The following RAB3GAP1 variants were observed in gnomAD, a reference collection of about 807,000 sequenced individuals.
RAB3GAP1 encodes the protein RAB3 GTPase activating protein catalytic subunit 1, also known as rab3 GTPase-activating protein catalytic subunit.
In RAB3GAP1, 86 loss-of-function variants were observed where a neutral mutation model predicts 130.7. The observed-to-expected ratio is 0.66, with a 90% CI of 0.55 to 0.79. RAB3GAP1 has a LOEUF of 0.79. RAB3GAP1 is among the 30% of genes least tolerant of loss of function. The pLI is 0.00. For synonymous variants in RAB3GAP1, 367 were observed against 401.7 expected (o/e 0.91, Z 1.03); for missense variants, 1,029 against 1,169.4 (o/e 0.88, Z 1.75).
At chr2:135,099,315 ATGATT>A (rs1300622565) in intron 5 of RAB3GAP1, among the ~76,000 whole-genome samples, 1 of 151,988 alleles carries the variant, frequency 6.6e-6, no homozygotes, top group East Asian at 1.9e-4. Flanking sequence ...TTAAATTGAT[ATGATT>A]TATTTTCTTT....
Position 135,052,333 on chromosome 2 carries a change from C to G in RAB3GAP1, c.18+8C>G. On this transcript the variant is annotated splice_region_variant and intron_variant, in intron 1 of 23. Transcript: ENST00000264158. ...ATGGCTGCCGACAGTGAGGTGATTTCTTTGCTCCCTACTTAATCCTTGTCA... is the reference window on the plus strand; with the variant it reads ...ATGGCTGCCGACAGTGAGGTGATTTGTTTGCTCCCTACTTAATCCTTGTCA... 3 of 1,614,066 alleles carry G rather than the reference C, an allele frequency of 1.9e-6. No individual in the cohort carries two copies. The highest frequency in any genetic ancestry group is 2.5e-6 in the Non-Finnish European group (3 of 1,180,012).
intron 8 of RAB3GAP1, 30 bp from the exon 9 acceptor site, chr2:135,124,135 A>G (rs899143898): frequency 6.3e-7 from 1 of 1,593,126 alleles, no homozygotes; most frequent in Non-Finnish European, 8.6e-7. Flanking sequence ...ATTTTTTCCC[A>G]AATGATGGAA....
At chr2:135,106,195 C>G (rs914573534) in intron 5 of RAB3GAP1, among the ~76,000 whole-genome samples, 1 of 152,014 alleles carries the variant, frequency 6.6e-6, no homozygotes, top group Non-Finnish European at 1.5e-5. Context: ...TGCCTCTGCC[C>G]GGCGGCCCCT....
intron 2 of RAB3GAP1, among the ~76,000 whole-genome samples, chr2:135,055,170 A>G (rs1037248627): frequency 6.6e-6 from 1 of 152,206 alleles, no homozygotes; most frequent in African/African-American, 2.4e-5. Context: ...GAGTTTATGT[A>G]AGAGCTAGAA....
chr2:135,085,192 T>A (rs562290184), intron 3 of RAB3GAP1, among the ~76,000 whole-genome samples: 1 of 152,338 alleles, frequency 6.6e-6, no homozygotes, highest in South Asian at 2.1e-4. Flanking sequence ...GGTGCTCGTG[T>A]TGAAACATTT....
At chr2:135,111,810 G>A (rs7603355) in intron 5 of RAB3GAP1, among the ~76,000 whole-genome samples, 16,421 of 151,920 alleles carry the variant, frequency 0.11, 2,200 homozygotes, top group African/African-American at 0.32. Context: ...CTTAAAATGT[G>A]CACATTATAG....
rs1390768843 is a variant in RAB3GAP1 at position 135,107,982 on chromosome 2, A to G, written c.363-5169A>G. On this transcript the variant is annotated intron_variant, in intron 5 of 23. Coordinates refer to ENST00000264158, the MANE Select transcript of RAB3GAP1 (RefSeq NM_012233.3). ...AAGAGTGAAACTCCATCTCAAAAAA[A>G]AAAAAAAAAAAAAAAAAAAACTACA... 2.0e-5 allele frequency among the ~76,000 whole-genome samples: 3 copies of G among 148,188 alleles called. No individual in the cohort carries two copies. The East Asian group carries it at 5.9e-4, about 29-fold the overall frequency.
At chr2:135,128,232 G>GCAA (rs923336396) in intron 11 of RAB3GAP1, among the ~76,000 whole-genome samples, 3 of 152,162 alleles carry the variant, frequency 2.0e-5, no homozygotes, top group African/African-American at 7.2e-5. Context: ...GGGTGTTAGG[G>GCAA]CAACAGTATA....
intron 3 of RAB3GAP1, among the ~76,000 whole-genome samples, chr2:135,068,432 A>ATATACCTTT (rs1689381849): frequency 1.3e-5 from 2 of 151,954 alleles, no homozygotes; most frequent in Admixed American, 1.3e-4. Context: ...CCACTAAAGG[A>ATATACCTTT]AGTAGACTAT....
chr2:135,102,268 C>T (rs956883475), intron 5 of RAB3GAP1, among the ~76,000 whole-genome samples: 8 of 152,094 alleles, frequency 5.3e-5, no homozygotes, highest in African/African-American at 1.9e-4. Context: ...AAGAAGAGGG[C>T]CATGAGCCAA....
intron 17 of RAB3GAP1, among the ~76,000 whole-genome samples, chr2:135,148,668 C>CTTTTT (rs60407802): frequency 8.8e-6 from 1 of 113,114 alleles, no homozygotes; most frequent in African/African-American, 3.4e-5. Context: ...ATTTTTGTAT[C>CTTTTT]TTTTTTTTTT....
At chr2:135,093,568 C>A in intron 4 of RAB3GAP1, 47 bp from the exon 5 acceptor site, 2 of 1,403,706 alleles carry the variant, frequency 1.4e-6, no homozygotes, top group Middle Eastern at 1.8e-4. Flanking sequence ...TAAAACTCTG[C>A]CTGATCATGA....
chr2:135,149,054 C>A (rs1209620446), intron 17 of RAB3GAP1, among the ~76,000 whole-genome samples: 1 of 152,140 alleles, frequency 6.6e-6, no homozygotes, highest in Non-Finnish European at 1.5e-5. Flanking sequence ...ATGCAACTTG[C>A]TGCTTATTCT....
rs1391360913 is a variant in RAB3GAP1 at position 135,169,867 on chromosome 2, C to G, written c.*1086C>G. Reference sequence around the variant, plus strand: ...CTGCTTGGTAATCTTATTTTTAGGCCTAAAATTCCCACTTAAATCCAAAGT... The same window carrying G: ...CTGCTTGGTAATCTTATTTTTAGGCGTAAAATTCCCACTTAAATCCAAAGT... On this transcript the variant is annotated 3_prime_UTR_variant, in exon 24 of 24. Coordinates refer to ENST00000264158, the MANE Select transcript of RAB3GAP1 (RefSeq NM_012233.3). 2.5e-6 allele frequency: 1 copy of G among 399,304 alleles called. No homozygotes were observed. The highest frequency in any genetic ancestry group is 5.0e-6 in the Non-Finnish European group (1 of 198,532). 24.7% of individuals were successfully genotyped at this position (399,304 alleles called of 1,614,324 possible).
intron 19 of RAB3GAP1, among the ~76,000 whole-genome samples, chr2:135,155,737 A>T (rs1427476027): frequency 6.6e-6 from 1 of 152,218 alleles, no homozygotes; most frequent in East Asian, 1.9e-4. Context: ...AGGAACTTTC[A>T]TAGCCCTGTA....
At chr2:135,123,545 G>A (rs986530429) in intron 8 of RAB3GAP1, among the ~76,000 whole-genome samples, 14 of 152,022 alleles carry the variant, frequency 9.2e-5, no homozygotes, top group Admixed American at 5.9e-4. Context: ...TTATTTCAAA[G>A]AGAAAAAAAT....
In RAB3GAP1 at chr2:135,130,031, G is replaced by T. The variant is rs374385972; in HGVS notation, c.1010G>T (p.Arg337Leu). Residue 337 changes from arginine (R) to leucine (L), a missense_variant, in exon 12 of 24, where the codon CGA (arginine) becomes CTA (leucine). Arg to Leu is a moderately radical substitution (Grantham distance 102). This residue lies in a region of RAB3GAP1 where 510 missense variants were observed against 532.1 expected (regional missense o/e 0.96). Transcript: ENST00000264158. ...ACTGAATTTTTTAAAATTTGCCGTC[G>T]AAAGGAGTCAACTGATGAGATTCTT... Reference protein sequence around the residue: ...FVTEFFKICRRKESTDEILGR... With the variant: ...FVTEFFKICRLKESTDEILGR... 13 of 1,612,160 alleles carry T rather than the reference G, an allele frequency of 8.1e-6. No individual in the cohort carries two copies. Among genetic ancestry groups the T allele is most frequent in the Non-Finnish European group, 1.1e-5 (13 of 1,179,344 alleles).
chr2:135,126,092 T>A (rs1460033736), intron 9 of RAB3GAP1, 89 bp from the exon 10 acceptor site: 1 of 1,014,040 alleles, frequency 9.9e-7, no homozygotes, highest in African/African-American at 1.6e-5. Flanking sequence ...TGTAACATAC[T>A]TTTATTTCCT....
rs145426075 is a variant in RAB3GAP1, at chr2:135,085,858, C to G, written c.151-5140C>G. On this transcript the variant is annotated intron_variant, in intron 3 of 23. Coordinates refer to ENST00000264158, the MANE Select transcript of RAB3GAP1 (RefSeq NM_012233.3). ...GTAATTGTTTTAACAAATGTATATA[C>G]CCATGTTACCACCATTCATATCAAA... is the stretch of plus-strand genomic sequence containing the variant. 8.4e-4 allele frequency among the ~76,000 whole-genome samples: 128 copies of G among 152,248 alleles called. 1 individual carries two copies. The East Asian group carries it at 0.024, about 28-fold the overall frequency.
Sources: allele counts gnomAD v4.1 joint callset (sites outside exome capture counted in the v4.1 genomes callset), GRCh38; gene constraint gnomAD v4.1.1; regional missense constraint gnomAD v4.1.1; transcripts MANE v1.5; gene names NCBI Gene and HGNC (gene_info 2026-07-23, HGNC 2026-07-21).